Variants in ZNF462 observed in about 807,000 individuals in gnomAD.
The protein encoded by ZNF462 is zinc finger PBX1-interacting protein.
A neutral mutation model predicts 201.9 loss-of-function variants in ZNF462; 10 were observed. The ratio of observed to expected loss-of-function variants is 0.05; its 90% confidence interval spans 0.03 to 0.08. The LOEUF (loss-of-function observed/expected upper bound fraction) is 0.08, where lower values mean the gene tolerates loss of function less well. Ranked by LOEUF, ZNF462 falls within the 10% of genes least tolerant of loss-of-function variation. ZNF462 has a pLI of 1.00. For synonymous variants in ZNF462, 1,227 were observed against 1,193.3 expected, an observed-to-expected ratio of 1.03 and a Z score of -0.58; for missense variants, 2,523 against 3,168.3, an observed-to-expected ratio of 0.80 and a Z score of 4.89.
At chr9:106,889,807 G>A (rs1828495591) in intron 1 of ZNF462, among the ~76,000 whole-genome samples, 1 of 152,124 alleles carries the variant, frequency 6.6e-6, no homozygotes, top group African/African-American at 2.4e-5. Context: ...ACCACCACTA[G>A]AAGTGGTGCG....
rs1342780216 is a variant in ZNF462 at position 106,938,532 on chromosome 9, A to G, written c.6236-384A>G. Among the ~76,000 whole-genome samples the G allele has an allele frequency of 1.3e-5, 2 of 152,240 alleles. No individual in the cohort carries two copies. The highest frequency in any genetic ancestry group is 1.3e-4 in the Admixed American group (2 of 15,284). ...ATGTTATTTTCTGGGACTGACAAAA[A>G]GGCCACCTTGAATGAAACCTGACAT... On this transcript the variant is annotated intron_variant, in intron 6 of 12. Coordinates refer to ENST00000277225, the MANE Select transcript of ZNF462 (RefSeq NM_021224.6). The surrounding 1 kb of genome is among the most constrained non-coding windows in gnomAD (Gnocchi z 4.4).
chr9:106,958,126 A>G (rs1831663636), intron 7 of ZNF462, among the ~76,000 whole-genome samples: 1 of 152,038 alleles, frequency 6.6e-6, no homozygotes, highest in Admixed American at 6.6e-5. Context: ...GGTGCTGATG[A>G]TATTCCATCA....
chr9:106,908,924 T>TATATAC (rs1244256587), intron 1 of ZNF462, among the ~76,000 whole-genome samples: 7 of 31,736 alleles, frequency 2.2e-4, no homozygotes, highest in Non-Finnish European at 3.5e-4. Context: ...TATATATATA[T>TATATAC]ATATATATAT....
At position 106,926,695 on chromosome 9, in the gene ZNF462, G is replaced by T; in HGVS notation, c.2783G>T (p.Arg928Leu). The T allele has an allele frequency of 4.3e-6, 7 of 1,613,972 alleles. No individual in the cohort carries two copies. The highest frequency in any genetic ancestry group is 4.2e-6 in the Non-Finnish European group (5 of 1,179,998). The part of the protein sequence containing the change: ...FDHSDLIYRC[R>L]FCSYTSPNVR... The stretch of plus-strand genomic sequence containing the variant: ...CACTCGGACCTGATCTACCGGTGTC[G>T]GTTTTGTTCATACACGAGCCCGAAT... Residue 928 changes from arginine (R) to leucine (L), a missense_variant, in exon 3 of 13, where the codon CGG becomes CTG. Coordinates refer to ENST00000277225, the MANE Select transcript of ZNF462 (RefSeq NM_021224.6). The surrounding 1 kb of genome is among the most constrained non-coding windows in gnomAD (Gnocchi z 7.9).
At chr9:106,864,689 GAA>G (rs112497217) in intron 1 of ZNF462, among the ~76,000 whole-genome samples, 4 of 149,192 alleles carry the variant, frequency 2.7e-5, no homozygotes, top group East Asian at 3.9e-4. Context: ...CCCCAACCAA[GAA>G]AAAAAAAAGT....
At position 107,009,382 on chromosome 9, in the gene ZNF462, G is replaced by T. The variant is rs1366907049; in HGVS notation, c.7190-163G>T. The T allele has an allele frequency of 1.1e-6, 1 of 909,242 alleles. No homozygotes were observed. The highest frequency in any genetic ancestry group is 1.6e-6 in the Non-Finnish European group (1 of 615,580). The allele number at this position is 909,242 out of a possible 1,614,324, so 56.3% of individuals were successfully genotyped here. On this transcript the variant is annotated intron_variant, in intron 11 of 12. Transcript: ENST00000277225. The surrounding 1 kb of genome is among the most constrained non-coding windows in gnomAD (Gnocchi z 6.1). ...AGTTCTCGAATGCTATTCAAGGAAT[G>T]CCCTAAGGGGGAAACCTAAGAAAAA...
Position 106,920,205 on chromosome 9 carries a change from G to T in ZNF462, c.-30-3149G>T, listed in dbSNP as rs1183827330. Among the ~76,000 whole-genome samples the T allele has an allele frequency of 6.6e-6, 1 of 151,290 alleles. No homozygotes were observed. Among genetic ancestry groups the T allele is most frequent in the Non-Finnish European group, 1.5e-5 (1 of 67,920 alleles). On this transcript the variant is annotated intron_variant, in intron 1 of 12. Coordinates refer to ENST00000277225, the MANE Select transcript of ZNF462 (RefSeq NM_021224.6). The surrounding 1 kb of genome is among the most constrained non-coding windows in gnomAD (Gnocchi z 4.3). The stretch of plus-strand genomic sequence containing the variant: ...ATTACCATCTGCTGCAAAAACATAT[G>T]AATGGGTCATCGTCATGTCCAGTGT...
At position 106,962,460 on chromosome 9, in the gene ZNF462, G is replaced by A. The variant is rs965700254; in HGVS notation, c.6428-9545G>A. ...AGTCCAGGAATCCTCCTTGGCCTCAGGTCAGACCTGCCTGGATTCCTCAAA... is the reference window on the plus strand; with the variant it reads ...AGTCCAGGAATCCTCCTTGGCCTCAAGTCAGACCTGCCTGGATTCCTCAAA... On this transcript the variant is annotated intron_variant, in intron 7 of 12. Coordinates refer to ENST00000277225, the MANE Select transcript of ZNF462 (RefSeq NM_021224.6). The surrounding 1 kb of genome is among the most constrained non-coding windows in gnomAD (Gnocchi z 4.6). Among the ~76,000 whole-genome samples, 6 of 151,990 alleles carry A rather than the reference G, an allele frequency of 3.9e-5. No individual in the cohort carries two copies. The highest frequency in any genetic ancestry group is 8.8e-5 in the Non-Finnish European group (6 of 67,968).
At position 106,923,530 on chromosome 9, in the gene ZNF462, G is replaced by T; in HGVS notation, c.147G>T (p.Val49=). 1 of 1,614,222 alleles carries T rather than the reference G, an allele frequency of 6.2e-7. No homozygotes were observed. The highest frequency in any genetic ancestry group is 8.5e-7 in the Non-Finnish European group (1 of 1,180,042). The change falls in exon 2 of 13, where the codon GTG becomes GTT. Residue 49 remains valine, a synonymous_variant. Coordinates refer to ENST00000277225, the MANE Select transcript of ZNF462 (RefSeq NM_021224.6). The surrounding 1 kb of genome is among the most constrained non-coding windows in gnomAD (Gnocchi z 5.6). ...TGAATGAGCTACGATGTGGGTCCGT[G>T]AATGCCAGTAATCAGACAGAGGTGG... The part of the protein sequence containing the change: ...DNVNELRCGS[V]NASNQTEVEF...
intron 9 of ZNF462, among the ~76,000 whole-genome samples, chr9:106,982,372 A>G (rs1330178828): frequency 2.0e-5 from 3 of 152,316 alleles, no homozygotes; most frequent in East Asian, 1.9e-4. Context: ...CCCCACAACA[A>G]GGAATTATCC....
chr9:106,929,752 A>G lies in ZNF462; in HGVS notation c.5840A>G (p.Gln1947Arg), dbSNP rs1830348386. 1 of 1,610,654 alleles carries G rather than the reference A, an allele frequency of 6.2e-7. No homozygotes were observed. The highest frequency in any genetic ancestry group is 2.2e-5 in the East Asian group (1 of 44,860). The change falls in exon 3 of 13, where the codon CAA becomes CGA. Residue 1947 changes from glutamine (Q) to arginine (R), a missense_variant. This residue lies in a region of ZNF462 where 107 missense variants were observed against 187.7 expected (regional missense o/e 0.57). Transcript: ENST00000277225. The surrounding 1 kb of genome is among the most constrained non-coding windows in gnomAD (Gnocchi z 8.7). ...YADGAFADFK[Q>R]ERPFGHLEEV... ...GATGGTGCTTTTGCAGATTTCAAAC[A>G]AGAGAGGGTAAGGATATGTTTTGAT...
At chr9:106,868,669 G>A (rs1827452951) in intron 1 of ZNF462, among the ~76,000 whole-genome samples, 1 of 152,100 alleles carries the variant, frequency 6.6e-6, no homozygotes, top group Non-Finnish European at 1.5e-5. Context: ...GAGGAAACTG[G>A]CACAAAGACA....
intron 1 of ZNF462, 41 bp downstream of exon 1, chr9:106,863,396 G>A: frequency 2.5e-6 from 1 of 394,400 alleles, no homozygotes; most frequent in Non-Finnish European, 4.5e-6. Context: ...GGTGGTCCGA[G>A]TGCTCCGGGG....
chr9:106,882,601 T>C (rs986839132), intron 1 of ZNF462, among the ~76,000 whole-genome samples: 12 of 152,262 alleles, frequency 7.9e-5, no homozygotes, highest in African/African-American at 2.9e-4. Flanking sequence ...TTTTGAAAGA[T>C]ACTAATGTGA....
chr9:106,864,038 G>GGCTC (rs1564062245), intron 1 of ZNF462, among the ~76,000 whole-genome samples: 14 of 55,386 alleles, frequency 2.5e-4, no homozygotes, highest in East Asian at 1.7e-3. Context: ...TCAGGTATTT[G>GGCTC]GCTCTCTCTC....
chr9:107,010,673 C>T lies in ZNF462; in HGVS notation c.7314-150C>T. The T allele has an allele frequency of 1.5e-6, 1 of 676,900 alleles. No individual in the cohort carries two copies. Among genetic ancestry groups the T allele is most frequent in the Non-Finnish European group, 2.4e-6 (1 of 417,074 alleles). The allele number at this position is 676,900 out of a possible 1,614,324, so 41.9% of individuals were successfully genotyped here. ...AGGGATGCATCACTTGGTATTTTGT[C>T]ATACACCCATGGCATTTGTTCAAAG... On this transcript the variant is annotated intron_variant, in intron 12 of 12. Coordinates refer to ENST00000277225, the MANE Select transcript of ZNF462 (RefSeq NM_021224.6). The surrounding 1 kb of genome is among the most constrained non-coding windows in gnomAD (Gnocchi z 4.6).
At chr9:106,957,004 T>A (rs1375226218) in intron 7 of ZNF462, among the ~76,000 whole-genome samples, 1 of 152,214 alleles carries the variant, frequency 6.6e-6, no homozygotes, top group African/African-American at 2.4e-5. Flanking sequence ...ATGTGTTCAC[T>A]GGAGTAGCAC....
chr9:106,946,121 T>C (rs576699172), intron 7 of ZNF462, among the ~76,000 whole-genome samples: 3 of 152,224 alleles, frequency 2.0e-5, no homozygotes, highest in Non-Finnish European at 4.4e-5. Flanking sequence ...TCATCAGAAA[T>C]GTAACCATAT....
intron 1 of ZNF462, among the ~76,000 whole-genome samples, chr9:106,873,462 G>C (rs951856314): frequency 1.3e-5 from 2 of 151,868 alleles, no homozygotes; most frequent in African/African-American, 2.4e-5. Context: ...TCTTCATAGG[G>C]CCCCTTTTGA....
Sources: gnomAD v4.1 joint callset for allele counts (sites outside exome capture counted in the v4.1 genomes callset) on GRCh38, gnomAD v4.1.1 for gene constraint, gnomAD v4.1.1 regional missense constraint, Gnocchi (gnomAD v3.1) non-coding constraint, MANE v1.5 for transcripts, NCBI Gene and HGNC (gene_info 2026-07-23, HGNC 2026-07-21) for gene names.